Variants in ST8SIA4 observed in about 807,000 individuals in gnomAD.
The protein encoded by ST8SIA4 is CMP-N-acetylneuraminate-poly-alpha-2,8-sialyltransferase.
Under a neutral mutation model 33.9 loss-of-function variants are expected in ST8SIA4, and 15 were observed. The ratio of observed to expected loss-of-function variants is 0.44; its 90% CI spans 0.30 to 0.68. ST8SIA4 has a LOEUF of 0.68. ST8SIA4 is among the 30% of genes least tolerant of loss of function. The pLI, the probability that ST8SIA4 is intolerant of heterozygous loss-of-function variation, is 0.10. For synonymous variants in ST8SIA4, 171 were observed against 151.2 expected (o/e 1.13, Z -0.96); for missense variants, 321 against 428.0 (o/e 0.75, Z 2.21).
In ST8SIA4 at chr5:100,810,313, A is replaced by G. The variant is rs73163637; in HGVS notation, c.*1534T>C. The stretch of plus-strand genomic sequence containing the variant: ...CAATTAAATTCATTTTAAATGCAAA[A>G]TATTGACACAATTTCACTGTTAAAC... On this transcript the variant is annotated 3_prime_UTR_variant, in exon 5 of 5. Transcript: ENST00000231461. 608 of 152,164 alleles carry G rather than the reference A, an allele frequency of 4.0e-3. 4 individuals are homozygous for G. Among genetic ancestry groups the G allele is most frequent in the African/African-American group, 0.014 (584 of 41,530 alleles). The allele number at this position is 152,164 out of a possible 1,614,324, so 9.4% of individuals were successfully genotyped here.
intron 4 of ST8SIA4, among the ~76,000 whole-genome samples, chr5:100,840,690 C>T (rs1751452783): frequency 6.6e-6 from 1 of 151,632 alleles, no homozygotes; most frequent in African/African-American, 2.4e-5. Context: ...TAGCCCATAA[C>T]ATTTTTGGAG....
intron 4 of ST8SIA4, among the ~76,000 whole-genome samples, chr5:100,817,647 T>C (rs1750957508): frequency 6.6e-6 from 1 of 152,204 alleles, no homozygotes; most frequent in Admixed American, 6.5e-5. Flanking sequence ...ATTATTTTGG[T>C]ACAGTTCATG....
At chr5:100,890,304 T>C (rs745612924) in intron 2 of ST8SIA4, among the ~76,000 whole-genome samples, 22 of 151,738 alleles carry the variant, frequency 1.4e-4, no homozygotes, top group Non-Finnish European at 2.8e-4. Flanking sequence ...ACTATAAATA[T>C]GAAAAAAAAT....
chr5:100,900,583 G>A lies in ST8SIA4; in HGVS notation c.113+2260C>T, dbSNP rs142844900. The A allele has an allele frequency of 5.2e-3, 2,322 of 443,900 alleles. 12 individuals are homozygous for A. Among genetic ancestry groups the A allele is most frequent in the Non-Finnish European group, 8.8e-3 (1,932 of 219,586 alleles). 27.5% of individuals were successfully genotyped at this position (443,900 alleles called of 1,614,324 possible). A position where few individuals can be genotyped will look rare whatever the true frequency, so the allele number is the denominator to read the frequency against. On this transcript the variant is annotated intron_variant, in intron 1 of 4. Coordinates refer to ENST00000231461, the MANE Select transcript of ST8SIA4 (RefSeq NM_005668.6). The stretch of plus-strand genomic sequence containing the variant: ...AGCTGCCCTCGCATTGTTCCTGGCA[G>A]CTCCAACTCCTTGCACAGTCTTGGT...
intron 4 of ST8SIA4, among the ~76,000 whole-genome samples, chr5:100,847,529 GA>G (rs1351484934): frequency 6.6e-6 from 1 of 152,000 alleles, no homozygotes; most frequent in African/African-American, 2.4e-5. Context: ...TTTTACATCT[GA>G]AAGATGAGTG....
intron 4 of ST8SIA4, among the ~76,000 whole-genome samples, chr5:100,853,747 A>G (rs1197644260): frequency 6.6e-6 from 1 of 152,224 alleles, no homozygotes; most frequent in Non-Finnish European, 1.5e-5. Flanking sequence ...TTAATCATAT[A>G]TAACACTATC....
At chr5:100,855,631 G>T (rs1042133981) in intron 4 of ST8SIA4, among the ~76,000 whole-genome samples, 20 of 152,280 alleles carry the variant, frequency 1.3e-4, no homozygotes, top group African/African-American at 4.6e-4. Context: ...CTGTGACTTT[G>T]GGGGGAAGCA....
At chr5:100,892,868 G>A (rs76971263) in intron 2 of ST8SIA4, among the ~76,000 whole-genome samples, 3,013 of 151,910 alleles carry the variant, frequency 0.02, 90 homozygotes, top group East Asian at 0.093. Flanking sequence ...GAGAGCATTA[G>A]GACAAATACT....
intron 4 of ST8SIA4, among the ~76,000 whole-genome samples, chr5:100,841,917 T>G (rs1362662077): frequency 1.3e-5 from 2 of 151,898 alleles, no homozygotes. Flanking sequence ...TATGTAATCT[T>G]GTTGGCTACC....
rs138640184 is a variant in ST8SIA4 at position 100,864,967 on chromosome 5, C to T, written c.504-8571G>A. On this transcript the variant is annotated intron_variant, in intron 3 of 4. Transcript: ENST00000231461. ...TTGTCCATACCTAACTCCCAGAAAC[C>T]GACTCTGGCTTAACTTAGAAAAAGT... Among the ~76,000 whole-genome samples the T allele has an allele frequency of 2.7e-3, 416 of 152,116 alleles. 2 individuals are homozygous for T. Among genetic ancestry groups the T allele is most frequent in the African/African-American group, 9.7e-3 (403 of 41,482 alleles).
chr5:100,899,243 C>T (rs777965070), intron 1 of ST8SIA4, among the ~76,000 whole-genome samples: 4 of 152,094 alleles, frequency 2.6e-5, no homozygotes, highest in African/African-American at 9.7e-5. Flanking sequence ...GAAACTAAGC[C>T]TGAATACACA....
chr5:100,844,056 T>G (rs1489776445), intron 4 of ST8SIA4, among the ~76,000 whole-genome samples: 1 of 151,932 alleles, frequency 6.6e-6, no homozygotes, highest in Non-Finnish European at 1.5e-5. Flanking sequence ...GATGGCTCCC[T>G]AATTTGCCAA....
Position 100,886,600 on chromosome 5 carries a change from C to T in ST8SIA4, c.246G>A (p.Arg82=). ...KINSSLVLEI[R]KNILRFLDAE... The stretch of plus-strand genomic sequence containing the variant: ...CATCTAAGAAACGAAGTATGTTCTT[C>T]CTGTATTTGAAATACAAGCAAAGTT... The change falls in exon 3 of 5, where the codon AGG becomes AGA. Residue 82 remains arginine (R), a splice_region_variant and synonymous_variant. Transcript: ENST00000231461. 3.7e-6 allele frequency: 6 copies of T among 1,611,306 alleles called. No homozygotes were observed. Among genetic ancestry groups the T allele is most frequent in the Non-Finnish European group, 5.1e-6 (6 of 1,177,732 alleles).
intron 1 of ST8SIA4, 57 bp from the exon 2 acceptor site, chr5:100,895,842 G>A: frequency 6.4e-7 from 1 of 1,558,244 alleles, no homozygotes; most frequent in South Asian, 1.2e-5. Flanking sequence ...TGTGTATACA[G>A]CACAGTACAT....
In ST8SIA4 at chr5:100,810,602, T is replaced by C. The variant is rs187274363; in HGVS notation, c.*1245A>G. The C allele has an allele frequency of 1.3e-5, 2 of 152,526 alleles. No individual in the cohort carries two copies. Among genetic ancestry groups the C allele is most frequent in the Admixed American group, 6.5e-5 (1 of 15,302 alleles). The allele number at this position is 152,526 out of a possible 1,614,324, so 9.4% of individuals were successfully genotyped here. ...GAAAATAAAGTATGAGTTTGAAAAT[T>C]AAAAAATATTTAGAGACAACTTTCA... is the stretch of plus-strand genomic sequence containing the variant. On this transcript the variant is annotated 3_prime_UTR_variant, in exon 5 of 5. Coordinates refer to ENST00000231461, the MANE Select transcript of ST8SIA4 (RefSeq NM_005668.6).
At chr5:100,877,246 A>C (rs896411563) in intron 3 of ST8SIA4, among the ~76,000 whole-genome samples, 4 of 152,202 alleles carry the variant, frequency 2.6e-5, no homozygotes, top group Admixed American at 6.6e-5. Flanking sequence ...CTCCAGGATA[A>C]TAAAAAATTC....
chr5:100,850,168 T>C (rs920478555), intron 4 of ST8SIA4, among the ~76,000 whole-genome samples: 1 of 152,156 alleles, frequency 6.6e-6, no homozygotes, highest in Non-Finnish European at 1.5e-5. Context: ...ATATGAAATA[T>C]CTTTAAAAAT....
At chr5:100,893,042 T>A (rs1752707754) in intron 2 of ST8SIA4, among the ~76,000 whole-genome samples, 1 of 152,022 alleles carries the variant, frequency 6.6e-6, no homozygotes, top group African/African-American at 2.4e-5. Flanking sequence ...AACTTAAAAG[T>A]AGAATTTTGA....
intron 4 of ST8SIA4, among the ~76,000 whole-genome samples, chr5:100,822,624 G>A (rs569576279): frequency 1.3e-5 from 2 of 152,160 alleles, no homozygotes; most frequent in South Asian, 2.1e-4. Context: ...ATATTATGTC[G>A]AAGAAATCAC....
Sources: allele counts gnomAD v4.1 joint callset (sites outside exome capture counted in the v4.1 genomes callset), GRCh38; gene constraint gnomAD v4.1.1; transcripts MANE v1.5; gene names NCBI Gene and HGNC (gene_info 2026-07-23, HGNC 2026-07-21).